ADAMTS16: variants seen among roughly 807,000 people sequenced by gnomAD.
ADAMTS16 encodes ADAM metallopeptidase with thrombospondin type 1 motif 16.
In ADAMTS16, 94 loss-of-function variants were observed where a neutral mutation model predicts 145.8. That is an observed-to-expected ratio of 0.64 (90% CI 0.55 to 0.77). The LOEUF (loss-of-function observed/expected upper bound fraction) is 0.77, where lower values mean the gene tolerates loss of function less well. Among genes scored for constraint, ADAMTS16 ranks in the 30% least tolerant of loss-of-function variants. The pLI, the probability that ADAMTS16 is intolerant of heterozygous loss-of-function variation, is 0.00. For missense variants in ADAMTS16, 1,585 were observed against 1,591.5 expected (o/e 1.00, Z 0.07); for synonymous variants, 659 against 604.3 (o/e 1.09, Z -1.33).
intron 3 of ADAMTS16, among the ~76,000 whole-genome samples, chr5:5,167,535 T>C (rs997428): frequency 0.12 from 18,407 of 152,314 alleles, 1,152 homozygotes; most frequent in African/African-American, 0.15. Context: ...AGCAGTCTTA[T>C]TGATTAATCA....
At position 5,319,226 on chromosome 5, in the gene ADAMTS16, T is replaced by C; in HGVS notation, c.*88T>C. The C allele has an allele frequency of 3.0e-6, 3 of 984,458 alleles. No homozygotes were observed. Among genetic ancestry groups the C allele is most frequent in the Middle Eastern group, 3.1e-4 (1 of 3,266 alleles). The allele number at this position is 984,458 out of a possible 1,614,324, so 61.0% of individuals were successfully genotyped here. A position where few individuals can be genotyped will look rare whatever the true frequency, so the allele number is the denominator to read the frequency against. Reference sequence around the variant, plus strand: ...GCTGTGCAATCTACGTCGGAATACATCCAAGGAAGAGCAAAGCCAAAAGAA... The same window carrying C: ...GCTGTGCAATCTACGTCGGAATACACCCAAGGAAGAGCAAAGCCAAAAGAA... On this transcript the variant is annotated 3_prime_UTR_variant, in exon 23 of 23. Transcript: ENST00000274181.
intron 18 of ADAMTS16, among the ~76,000 whole-genome samples, chr5:5,282,995 T>A (rs1738978443): frequency 6.6e-6 from 1 of 152,012 alleles, no homozygotes; most frequent in African/African-American, 2.4e-5. Flanking sequence ...AGTAAAACAT[T>A]CATTGTGTAA....
chr5:5,188,983 T>G (rs1735585106), intron 6 of ADAMTS16, among the ~76,000 whole-genome samples: 1 of 152,240 alleles, frequency 6.6e-6, no homozygotes, highest in South Asian at 2.1e-4. Context: ...TTAATGCAGT[T>G]TTCCTGGAAA....
chr5:5,245,262 C>G (rs1379210673), intron 17 of ADAMTS16, among the ~76,000 whole-genome samples: 1 of 152,104 alleles, frequency 6.6e-6, no homozygotes, highest in Admixed American at 6.6e-5. Flanking sequence ...TGGTATCTGA[C>G]AATAGCATGT....
chr5:5,310,474 G>A lies in ADAMTS16; in HGVS notation c.3411+3746G>A, dbSNP rs1407294715. ...AAATAGATGCAGATGTAATGACCTG[G>A]GCTGACATCATCCTGGATTAGAGTG... On this transcript the variant is annotated intron_variant, in intron 21 of 22. Transcript: ENST00000274181. The surrounding 1 kb of genome is among the most constrained non-coding windows in gnomAD (Gnocchi z 4.3). Among the ~76,000 whole-genome samples the A allele has an allele frequency of 6.6e-6, 1 of 152,168 alleles. No individual in the cohort carries two copies. The highest frequency in any genetic ancestry group is 1.5e-5 in the Non-Finnish European group (1 of 68,040).
intron 11 of ADAMTS16, among the ~76,000 whole-genome samples, chr5:5,230,566 A>C (rs903579352): frequency 6.6e-6 from 1 of 152,198 alleles, no homozygotes; most frequent in African/African-American, 2.4e-5. Context: ...GTGAGTTATT[A>C]AATGTTGAGG....
At chr5:5,222,227 C>G (rs1255713369) in intron 10 of ADAMTS16, among the ~76,000 whole-genome samples, 1 of 152,168 alleles carries the variant, frequency 6.6e-6, no homozygotes, top group Non-Finnish European at 1.5e-5. Context: ...CAAAGAAGGT[C>G]ATGTTCACAA....
chr5:5,253,444 C>T (rs551298582), intron 17 of ADAMTS16, among the ~76,000 whole-genome samples: 7 of 152,272 alleles, frequency 4.6e-5, no homozygotes, highest in African/African-American at 1.2e-4. Context: ...TGCATTTTTA[C>T]ATAAACAATA....
intron 3 of ADAMTS16, among the ~76,000 whole-genome samples, chr5:5,160,417 T>A (rs1422200003): frequency 6.6e-6 from 1 of 152,154 alleles, no homozygotes; most frequent in Non-Finnish European, 1.5e-5. Context: ...TCTAGTTAAA[T>A]CCCACTGACT....
In ADAMTS16 at chr5:5,307,169, G is replaced by A. The variant is rs1470445186; in HGVS notation, c.3411+441G>A. Among the ~76,000 whole-genome samples, 5 of 151,964 alleles carry A rather than the reference G, an allele frequency of 3.3e-5. No homozygotes were observed. The South Asian group carries it at 8.3e-4, about 25-fold the overall frequency. On this transcript the variant is annotated intron_variant, in intron 21 of 22. Coordinates refer to ENST00000274181, the MANE Select transcript of ADAMTS16 (RefSeq NM_139056.4). Reference sequence around the variant, plus strand: ...ACCATGGAGCGGGGGTTCCTTCCTCGGGGTCTTTGTTCCTGTGTTTCTCCT... The same window carrying A: ...ACCATGGAGCGGGGGTTCCTTCCTCAGGGTCTTTGTTCCTGTGTTTCTCCT...
chr5:5,203,499 G>A (rs1265384205), intron 9 of ADAMTS16, among the ~76,000 whole-genome samples: 1 of 152,138 alleles, frequency 6.6e-6, no homozygotes. Flanking sequence ...TTGATAGTGG[G>A]AAAAAATGTA....
rs1381900577 is a variant in ADAMTS16 at position 5,310,244 on chromosome 5, C to G, written c.3411+3516C>G. On this transcript the variant is annotated intron_variant, in intron 21 of 22. Transcript: ENST00000274181. This position sits in a 1 kb window ranked among gnomAD's most constrained non-coding sequence, Gnocchi z 4.3. ...TCCTCTCATGTCCACCATCCTCCAG[C>G]TCGTAGGACCCCACCCACACTGCGC... 1.3e-5 allele frequency among the ~76,000 whole-genome samples: 2 copies of G among 152,130 alleles called. No individual in the cohort carries two copies. Among genetic ancestry groups the G allele is most frequent in the African/African-American group, 4.8e-5 (2 of 41,416 alleles).
intron 3 of ADAMTS16, chr5:5,176,027 G>A (rs1430589049): frequency 1.3e-5 from 2 of 152,118 alleles, no homozygotes; most frequent in Non-Finnish European, 2.9e-5. Flanking sequence ...GTACTTTTTT[G>A]TGTGGATGGT....
In ADAMTS16 at chr5:5,269,412, C is replaced by T. The variant is rs1738379611; in HGVS notation, c.2789+6629C>T. On this transcript the variant is annotated intron_variant, in intron 18 of 22. Coordinates refer to ENST00000274181, the MANE Select transcript of ADAMTS16 (RefSeq NM_139056.4). The surrounding 1 kb of genome is among the most constrained non-coding windows in gnomAD (Gnocchi z 4.3). ...AGTGTGGTCACCCAAGGATGGTACA[C>T]AATCCTTACACCTGCCCCTGGGTCA... 6.6e-6 allele frequency among the ~76,000 whole-genome samples: 1 copy of T among 152,136 alleles called. No individual in the cohort carries two copies. Among genetic ancestry groups the T allele is most frequent in the Non-Finnish European group, 1.5e-5 (1 of 68,028 alleles).
At chr5:5,312,690 G>A (rs374979180) in intron 21 of ADAMTS16, among the ~76,000 whole-genome samples, 3 of 152,260 alleles carry the variant, frequency 2.0e-5, no homozygotes, top group East Asian at 1.9e-4. Flanking sequence ...TCAGGTTCGA[G>A]AAGTGGATTC....
intron 18 of ADAMTS16, among the ~76,000 whole-genome samples, chr5:5,270,854 G>T (rs1175681756): frequency 6.6e-6 from 1 of 152,184 alleles, no homozygotes; most frequent in East Asian, 1.9e-4. Context: ...CTCCCTGAGA[G>T]GCTTCCCTGG....
At chr5:5,300,926 T>G (rs1739741244) in intron 18 of ADAMTS16, among the ~76,000 whole-genome samples, 1 of 152,202 alleles carries the variant, frequency 6.6e-6, no homozygotes, top group South Asian at 2.1e-4. Context: ...GTCCAAACCT[T>G]TTTGATTGTA....
chr5:5,222,144 G>A (rs1736624275), intron 10 of ADAMTS16, among the ~76,000 whole-genome samples: 1 of 152,048 alleles, frequency 6.6e-6, no homozygotes, highest in African/African-American at 2.4e-5. Flanking sequence ...TTTTTCATTG[G>A]GGCATCTCTT....
chr5:5,206,425 CAAAAAAA>C (rs1173829992), intron 9 of ADAMTS16, among the ~76,000 whole-genome samples: 2 of 39,436 alleles, frequency 5.1e-5, no homozygotes, highest in Admixed American at 3.7e-4. Flanking sequence ...GACTCCGTCT[CAAAAAAA>C]AAAAAAAAAA....
Sources: allele counts gnomAD v4.1 joint callset (sites outside exome capture counted in the v4.1 genomes callset), GRCh38; gene constraint gnomAD v4.1.1; non-coding constraint Gnocchi (gnomAD v3.1); transcripts MANE v1.5; gene names NCBI Gene and HGNC (gene_info 2026-07-23, HGNC 2026-07-21).